ANKRD26: variants seen among roughly 807,000 people sequenced by gnomAD.
ANKRD26 encodes the protein ankyrin repeat domain 26, also known as ankyrin repeat domain-containing protein 26.
ANKRD26 carries 141 observed loss-of-function variants against 208.7 expected under a neutral mutation model. The ratio of observed to expected loss-of-function variants is 0.68; its 90% CI spans 0.59 to 0.78. ANKRD26 has a LOEUF of 0.78. ANKRD26 is among the 30% of genes least tolerant of loss of function. The probability of loss-of-function intolerance (pLI) is 0.00; values close to 1 mark genes in which losing one functional copy is unlikely to be tolerated. For synonymous variants in ANKRD26, 636 were observed against 660.4 expected (o/e 0.96, Z 0.57); for missense variants, 1,889 against 1,938.7 (o/e 0.97, Z 0.48).
chr10:26,976,532 A>G (rs2134605827), intron 5 of ANKRD26, among the ~76,000 whole-genome samples: 1 of 152,184 alleles, frequency 6.6e-6, no homozygotes, highest in South Asian at 2.1e-4. Context: ...GTATGTTTCC[A>G]AGGATGTTTG....
At chr10:27,036,981 T>G (rs559847108) in intron 23 of ANKRD26, among the ~76,000 whole-genome samples, 5 of 152,286 alleles carry the variant, frequency 3.3e-5, no homozygotes, top group African/African-American at 1.2e-4. Flanking sequence ...TGTCATTACT[T>G]GACTGCTGCA....
the ANKRD26 span, among the ~76,000 whole-genome samples, chr10:26,948,476 A>G: frequency 6.6e-6 from 1 of 152,244 alleles, no homozygotes; most frequent in Non-Finnish European, 1.5e-5. Context: ...AACATAGAAT[A>G]ATCTGTTTAA....
chr10:26,990,425 G>A (rs2052465572), downstream of ANKRD26, among the ~76,000 whole-genome samples: 2 of 152,158 alleles, frequency 1.3e-5, no homozygotes, highest in Admixed American at 1.3e-4. Flanking sequence ...CACCCAAAGT[G>A]TGCTGCTTGT....
At chr10:27,017,371 A>C (rs2053331749) in intron 30 of ANKRD26, 131 bp downstream of exon 30, 1 of 858,670 alleles carries the variant, frequency 1.2e-6, no homozygotes, top group Admixed American at 2.3e-5. Flanking sequence ...AGGGAGAAAC[A>C]GATGCCATCA....
intron 4 of ANKRD26, among the ~76,000 whole-genome samples, chr10:27,087,084 T>C (rs1219080519): frequency 1.3e-5 from 2 of 152,110 alleles, no homozygotes; most frequent in South Asian, 4.1e-4. Flanking sequence ...AACTTCTTAT[T>C]AAGCTTCAAA....
chr10:26,992,211 T>C (rs1303115487), intron 5 of ANKRD26, among the ~76,000 whole-genome samples: 1 of 152,182 alleles, frequency 6.6e-6, no homozygotes, highest in Non-Finnish European at 1.5e-5. Flanking sequence ...TATTTTTCTT[T>C]TGGCTTTATG....
intron 32 of ANKRD26, among the ~76,000 whole-genome samples, chr10:27,011,716 C>A (rs1211120516): frequency 6.6e-6 from 1 of 152,142 alleles, no homozygotes; most frequent in African/African-American, 2.4e-5. Flanking sequence ...GACCTTGTTA[C>A]TGTAAAGCTA....
intron 28 of ANKRD26, 24 bp from the exon 29 acceptor site, chr10:27,022,711 A>G: frequency 1.3e-6 from 2 of 1,568,994 alleles, no homozygotes; most frequent in Non-Finnish European, 1.7e-6. Flanking sequence ...CAAAATGAGT[A>G]ACTCAAGTTT....
chr10:26,962,413 A>G, the ANKRD26 span, among the ~76,000 whole-genome samples: 1 of 151,834 alleles, frequency 6.6e-6, no homozygotes, highest in African/African-American at 2.4e-5. Context: ...TGTCTCTACT[A>G]AAAATACAAA....
chr10:27,078,737 TCATAGTAGGAGTGCTTATC>T (rs1445483308), intron 7 of ANKRD26, among the ~76,000 whole-genome samples: 1 of 152,096 alleles, frequency 6.6e-6, no homozygotes, highest in Non-Finnish European at 1.5e-5. Context: ...GATTTTAAAA[TCATAGTAGGAGTGCTTATC>T]CATATAAACT....
At chr10:26,986,858 G>C (rs916856771) in intron 3 of ANKRD26, among the ~76,000 whole-genome samples, 9 of 152,338 alleles carry the variant, frequency 5.9e-5, no homozygotes, top group African/African-American at 2.2e-4. Context: ...CAACCATTGT[G>C]GAAGTCAATG....
chr10:27,097,880 T>C (rs1385614361), intron 1 of ANKRD26, among the ~76,000 whole-genome samples: 1 of 152,194 alleles, frequency 6.6e-6, no homozygotes, highest in Non-Finnish European at 1.5e-5. Context: ...CTTGAATTCC[T>C]GGACTTAAGT....
At chr10:27,036,377 C>A (rs1009180695) in intron 23 of ANKRD26, among the ~76,000 whole-genome samples, 3 of 151,666 alleles carry the variant, frequency 2.0e-5, no homozygotes, top group Non-Finnish European at 4.4e-5. Context: ...ATGATTTTCC[C>A]TGGGTCTTCT....
At chr10:27,026,031 C>CT (rs373672496) in intron 27 of ANKRD26, among the ~76,000 whole-genome samples, 2 of 152,140 alleles carry the variant, frequency 1.3e-5, no homozygotes, top group African/African-American at 4.8e-5. Flanking sequence ...CATACTTTGT[C>CT]TTTGTTTTTC....
In ANKRD26 at chr10:27,093,420, C is replaced by T. The variant is rs753675632; in HGVS notation, c.460G>A (p.Val154Ile). The change falls in exon 3 of 34, where the codon GTC (valine) becomes ATC (isoleucine). Residue 154 changes from valine to isoleucine, a missense_variant. By Grantham distance (29) the Val-to-Ile change is conservative (BLOSUM62 3). Around this residue, in one of 3 missense-constraint regions of ANKRD26, gnomAD observed 1,272 missense variants for 1,273.8 expected, o/e 1.00. Coordinates refer to ENST00000376087, the MANE Select transcript of ANKRD26 (RefSeq NM_014915.3). ...VHGNTALHYA[V>I]YNEDISVATK... ...GCTACTGATATGTCCTCATTATAGA[C>T]AGCATAGTGAAGAGCAGTGTTGCCA... The T allele has an allele frequency of 1.9e-5, 31 of 1,614,128 alleles. No homozygotes were observed. The highest frequency in any genetic ancestry group is 2.6e-5 in the Non-Finnish European group (31 of 1,180,000).
chr10:27,086,966 G>C (rs2056146226), intron 4 of ANKRD26, among the ~76,000 whole-genome samples: 1 of 151,990 alleles, frequency 6.6e-6, no homozygotes, highest in Admixed American at 6.6e-5. Flanking sequence ...TAGAGACAGG[G>C]TTTCACCATG....
chr10:27,067,299 A>AAAAC lies in ANKRD26; in HGVS notation c.1078-17_1078-14dup. The AAAAC allele has an allele frequency of 6.2e-7, 1 of 1,611,426 alleles. No individual in the cohort carries two copies. Among genetic ancestry groups the AAAAC allele is most frequent in the South Asian group, 1.1e-5 (1 of 91,008 alleles). ...TTGTTGGTTCTTCCTATTAAAAACA[A>AAAAC]AAACAAACAAACAAAAAACTTCAGA... On this transcript the variant is annotated splice_polypyrimidine_tract_variant and intron_variant, in intron 9 of 33. Transcript: ENST00000376087.
At chr10:27,010,066 C>A (rs1228247434) in intron 32 of ANKRD26, among the ~76,000 whole-genome samples, 2 of 151,676 alleles carry the variant, frequency 1.3e-5, no homozygotes, top group Non-Finnish European at 2.9e-5. Flanking sequence ...AGAGCCCCTA[C>A]CTGTCCTTTA....
At chr10:27,083,338 T>C (rs1451045613) in intron 5 of ANKRD26, among the ~76,000 whole-genome samples, 7 of 151,792 alleles carry the variant, frequency 4.6e-5, no homozygotes, top group Admixed American at 6.6e-5. Context: ...AAAAAACCCA[T>C]GCACTCTTAA....
Sources: gnomAD v4.1 joint callset for allele counts (sites outside exome capture counted in the v4.1 genomes callset) on GRCh38, gnomAD v4.1.1 for gene constraint, gnomAD v4.1.1 regional missense constraint, MANE v1.5 for transcripts, NCBI Gene and HGNC (gene_info 2026-07-23, HGNC 2026-07-21) for gene names.